The following BABAM2 variants were observed in gnomAD, a reference collection of about 807,000 sequenced individuals.
BABAM2 encodes the protein BRISC and BRCA1-A complex member 2.
In BABAM2, 31 loss-of-function variants were observed where a neutral mutation model predicts 54.7. That is an observed-to-expected ratio of 0.57 (90% confidence interval 0.43 to 0.77). BABAM2 has a LOEUF of 0.77. Ranked by LOEUF, BABAM2 falls within the 30% of genes least tolerant of loss-of-function variation. The pLI is 0.00. For missense variants in BABAM2, 364 were observed against 455.8 expected (o/e 0.80, Z 1.83); for synonymous variants, 167 against 162.9 (o/e 1.03, Z -0.19).
chr2:28,041,610 G>A (rs2148602428), intron 5 of BABAM2, among the ~76,000 whole-genome samples: 1 of 152,330 alleles, frequency 6.6e-6, no homozygotes, highest in African/African-American at 2.4e-5. Context: ...ATTTGCTCCT[G>A]TAACCCCGAC....
chr2:28,192,318 G>A lies in BABAM2; in HGVS notation c.681-44884G>A, dbSNP rs558447592. On this transcript the variant is annotated intron_variant, in intron 7 of 11. Transcript: ENST00000379624. ...CAAAGTGCTGGGATTACAGGCGTGA[G>A]CCACTGCGCCCAGCCAGGAGATTGT... Among the ~76,000 whole-genome samples the A allele has an allele frequency of 2.0e-5, 3 of 152,190 alleles. No homozygotes were observed. The South Asian group carries it at 6.2e-4, about 32-fold the overall frequency.
At chr2:28,266,809 T>A (rs1002037340) in intron 10 of BABAM2, among the ~76,000 whole-genome samples, 3 of 152,220 alleles carry the variant, frequency 2.0e-5, no homozygotes, top group Non-Finnish European at 4.4e-5. Context: ...TCTTTCATGG[T>A]TGTTAAAACT....
intron 10 of BABAM2, among the ~76,000 whole-genome samples, chr2:28,255,069 G>A (rs1321605715): frequency 4.6e-5 from 7 of 151,838 alleles, no homozygotes; most frequent in East Asian, 1.9e-4. Context: ...ATATATTGAC[G>A]ATAGTATTAT....
intron 7 of BABAM2, among the ~76,000 whole-genome samples, chr2:28,156,039 G>A (rs1363692915): frequency 6.6e-6 from 1 of 152,164 alleles, no homozygotes; most frequent in East Asian, 1.9e-4. Flanking sequence ...TAAAATTATG[G>A]TAGTTATTAG....
At chr2:28,132,142 C>CTTT (rs371766527) in intron 7 of BABAM2, among the ~76,000 whole-genome samples, 2 of 139,414 alleles carry the variant, frequency 1.4e-5, no homozygotes, top group African/African-American at 2.7e-5. Context: ...TCTTCTTCTT[C>CTTT]TTTTTTTTTT....
intron 7 of BABAM2, among the ~76,000 whole-genome samples, chr2:28,223,847 C>G (rs1284517003): frequency 1.3e-5 from 2 of 152,122 alleles, no homozygotes; most frequent in African/African-American, 4.8e-5. Context: ...TTTTTTCCTT[C>G]TTTTCAAATA....
chr2:28,067,590 C>A lies in BABAM2; in HGVS notation c.570+21791C>A, dbSNP rs1033131088. On this transcript the variant is annotated intron_variant, in intron 6 of 11. Coordinates refer to ENST00000379624, the MANE Select transcript of BABAM2 (RefSeq NM_199191.3). The stretch of plus-strand genomic sequence containing the variant: ...AGTTTGAATTCTGTTCAAGGACAAA[C>A]AAGATTGTTGAGTGTGGAATGCCAG... 3.3e-5 allele frequency among the ~76,000 whole-genome samples: 5 copies of A among 152,140 alleles called. No homozygotes were observed. In the South Asian group the frequency reaches 6.2e-4, roughly 19 times the overall value.
intron 3 of BABAM2, among the ~76,000 whole-genome samples, chr2:27,932,812 C>T (rs55973179): frequency 0.08 from 12,180 of 152,208 alleles, 747 homozygotes; most frequent in African/African-American, 0.17. Context: ...TCAGTAGCCT[C>T]TTCCTCACAT....
At chr2:28,026,967 T>TTA (rs1553414664) in intron 5 of BABAM2, among the ~76,000 whole-genome samples, 3 of 83,670 alleles carry the variant, frequency 3.6e-5, no homozygotes, top group Admixed American at 3.6e-4. Flanking sequence ...TAAATATATA[T>TTA]ATAAATATAT....
chr2:28,034,733 G>T (rs1676541453), intron 5 of BABAM2, among the ~76,000 whole-genome samples: 1 of 152,162 alleles, frequency 6.6e-6, no homozygotes, highest in Non-Finnish European at 1.5e-5. Flanking sequence ...AAAGGCAATA[G>T]GTTTAGACAG....
At chr2:28,332,913 C>T (rs903502722) in intron 11 of BABAM2, among the ~76,000 whole-genome samples, 1 of 152,224 alleles carries the variant, frequency 6.6e-6, no homozygotes, top group African/African-American at 2.4e-5. Context: ...GATTGGCCAT[C>T]TCTGCCTGCG....
rs139580386 is a variant in BABAM2, at chr2:27,936,228, G to A, written c.205+6320G>A. On this transcript the variant is annotated intron_variant, in intron 3 of 11. Coordinates refer to ENST00000379624, the MANE Select transcript of BABAM2 (RefSeq NM_199191.3). ...AGCCACCATGTCCGGCCGCAATACA[G>A]TATTTTAAAATCAGGTATTATCCCA... 2.8e-3 allele frequency among the ~76,000 whole-genome samples: 429 copies of A among 152,216 alleles called. 2 individuals carry two copies. Among genetic ancestry groups the A allele is most frequent in the African/African-American group, 0.01 (416 of 41,514 alleles).
At chr2:28,176,213 C>T in intron 7 of BABAM2, among the ~76,000 whole-genome samples, 1 of 151,954 alleles carries the variant, frequency 6.6e-6, no homozygotes, top group Non-Finnish European at 1.5e-5. Flanking sequence ...AATTCTCCAG[C>T]AACAGATACT....
chr2:27,955,894 C>T (rs1670046156), intron 3 of BABAM2, among the ~76,000 whole-genome samples: 1 of 151,898 alleles, frequency 6.6e-6, no homozygotes, highest in South Asian at 2.1e-4. Context: ...TTTCTCATTC[C>T]ATAATGGGTG....
At chr2:27,954,808 C>T (rs995458090) in intron 3 of BABAM2, among the ~76,000 whole-genome samples, 1 of 152,082 alleles carries the variant, frequency 6.6e-6, no homozygotes, top group African/African-American at 2.4e-5. Flanking sequence ...GCTTTCTTTT[C>T]TTCCAGAAAT....
chr2:28,006,469 T>G (rs771251270), intron 4 of BABAM2, among the ~76,000 whole-genome samples: 1 of 152,064 alleles, frequency 6.6e-6, no homozygotes, highest in Admixed American at 6.6e-5. Flanking sequence ...GCAGTGACAT[T>G]AGTTTTAGCA....
At chr2:28,156,143 T>C (rs1027016644) in intron 7 of BABAM2, among the ~76,000 whole-genome samples, 2 of 152,150 alleles carry the variant, frequency 1.3e-5, no homozygotes, top group Non-Finnish European at 1.5e-5. Context: ...AGAGAGTTAG[T>C]GTGGGAAGGT....
intron 10 of BABAM2, among the ~76,000 whole-genome samples, chr2:28,298,057 G>C (rs1001644240): frequency 6.6e-6 from 1 of 152,126 alleles, no homozygotes; most frequent in Non-Finnish European, 1.5e-5. Context: ...AAGCTTCTGT[G>C]ACCATTTCAA....
At chr2:28,255,654 T>TTTG (rs1683908933) in intron 10 of BABAM2, among the ~76,000 whole-genome samples, 1 of 151,974 alleles carries the variant, frequency 6.6e-6, no homozygotes, top group South Asian at 2.1e-4. Context: ...ACTTAGAAGT[T>TTTG]TTTGTTTGTT....
Sources: gnomAD v4.1 joint callset for allele counts (sites outside exome capture counted in the v4.1 genomes callset) on GRCh38, gnomAD v4.1.1 for gene constraint, MANE v1.5 for transcripts, NCBI Gene and HGNC (gene_info 2026-07-23, HGNC 2026-07-21) for gene names.